The following CYP2E1 variants were observed in gnomAD, a reference collection of about 807,000 sequenced individuals.
CYP2E1 encodes the protein cytochrome P450 family 2 subfamily E member 1, also known as cytochrome P450 2E1.
CYP2E1 carries 31 observed loss-of-function variants against 42.9 expected under a neutral mutation model. That is an observed-to-expected ratio of 0.72 (90% confidence interval 0.54 to 0.98). CYP2E1 has a LOEUF of 0.98. Ranked by LOEUF, CYP2E1 falls within the 50% of genes least tolerant of loss-of-function variation. The pLI is 0.00. For synonymous variants in CYP2E1, 244 were observed against 248.9 expected, an observed-to-expected ratio of 0.98 and a Z score of 0.19; for missense variants, 565 against 633.2, an observed-to-expected ratio of 0.89 and a Z score of 1.16.
Position 133,531,392 on chromosome 10 carries a change from C to T in CYP2E1, c.338-193C>T, listed in dbSNP as rs41283307. ...CTGTGAGGACCCCAGAAAGGCTCCT[C>T]CCCAAAACCTGACCAGTGGCCGGTG... On this transcript the variant is annotated intron_variant, in intron 2 of 8. Transcript: ENST00000252945. 3.8e-3 allele frequency among the ~76,000 whole-genome samples: 577 copies of T among 152,092 alleles called. 2 individuals carry two copies. Among genetic ancestry groups the T allele is most frequent in the Non-Finnish European group, 6.7e-3 (456 of 67,996 alleles).
intron 3 of CYP2E1, 76 bp from the exon 4 acceptor site, chr10:133,532,048 C>G: frequency 7.2e-7 from 1 of 1,395,108 alleles, no homozygotes; most frequent in South Asian, 1.3e-5. Flanking sequence ...CCTTGGTGAA[C>G]CTCAGTGGGT....
At chr10:133,531,862 C>A in intron 3 of CYP2E1, 128 bp downstream of exon 3, 1 of 998,776 alleles carries the variant, frequency 1.0e-6, no homozygotes. Flanking sequence ...CTCGTGAGTC[C>A]CCAGATACTG....
At chr10:133,528,701 G>A (rs967624431) in intron 2 of CYP2E1, 61 bp downstream of exon 2, 1 of 1,589,150 alleles carries the variant, frequency 6.3e-7, no homozygotes, top group South Asian at 1.1e-5. Context: ...ACAGTTACGG[G>A]CGCTAGCCAC....
At chr10:133,529,294 C>A (rs141063994) in intron 2 of CYP2E1, among the ~76,000 whole-genome samples, 1 of 152,322 alleles carries the variant, frequency 6.6e-6, no homozygotes, top group East Asian at 1.9e-4. Context: ...GGAGGTCTGG[C>A]TCGTCTTTAT....
intron 2 of CYP2E1, among the ~76,000 whole-genome samples, chr10:133,531,265 T>A (rs1369793528): frequency 1.3e-5 from 2 of 152,118 alleles, no homozygotes; most frequent in Non-Finnish European, 2.9e-5. Context: ...TTATGTAGCA[T>A]GGGGAAGACT....
At position 133,528,553 on chromosome 10, in the gene CYP2E1, A is replaced by G; in HGVS notation, c.250A>G (p.Lys84Glu). 1 of 1,613,482 alleles carries G rather than the reference A, an allele frequency of 6.2e-7. No homozygotes were observed. The highest frequency in any genetic ancestry group is 8.5e-7 in the Non-Finnish European group (1 of 1,179,936). Residue 84 changes from lysine (K) to glutamate (E), a missense_variant, in exon 2 of 9, where the codon AAG (lysine) becomes GAG (glutamate). Coordinates refer to ENST00000252945, the MANE Select transcript of CYP2E1 (RefSeq NM_000773.4). ...SQRMVVMHGY[K>E]AVKEALLDYK... is the part of the protein sequence containing the mutation. ...GCGCATGGTGGTGATGCACGGCTACAAGGCGGTGAAGGAAGCGCTGCTGGA... is the reference window on the plus strand; with the variant it reads ...GCGCATGGTGGTGATGCACGGCTACGAGGCGGTGAAGGAAGCGCTGCTGGA...
At chr10:133,531,997 T>C in intron 3 of CYP2E1, 127 bp from the exon 4 acceptor site, 2 of 917,746 alleles carry the variant, frequency 2.2e-6, no homozygotes, top group South Asian at 1.6e-5. Context: ...ACATTCACTA[T>C]CTTTCGTAAA....
At chr10:133,529,775 G>A (rs902121770) in intron 2 of CYP2E1, among the ~76,000 whole-genome samples, 31 of 152,252 alleles carry the variant, frequency 2.0e-4, no homozygotes, top group African/African-American at 7.2e-4. Context: ...CGCCAGGACC[G>A]CGTCCAGAAC....
chr10:133,527,468 C>A lies in CYP2E1; in HGVS notation c.73C>A (p.Gln25Lys). The A allele has an allele frequency of 6.2e-7, 1 of 1,613,680 alleles. No homozygotes were observed. Among genetic ancestry groups the A allele is most frequent in the Non-Finnish European group, 8.5e-7 (1 of 1,179,946 alleles). The change falls in exon 1 of 9, where the codon CAG becomes AAG. Residue 25 changes from glutamine to lysine, a missense_variant. Coordinates refer to ENST00000252945, the MANE Select transcript of CYP2E1 (RefSeq NM_000773.4). ...AFLLLVSMWRQVHSSWNLPPG... is the reference protein window; with the variant it reads ...AFLLLVSMWRKVHSSWNLPPG... ...CCTCCTGCTGGTGTCCATGTGGAGG[C>A]AGGTGCACAGCAGCTGGAATCTGCC... is the stretch of plus-strand genomic sequence containing the variant.
intron 8 of CYP2E1, 122 bp downstream of exon 8, chr10:133,538,014 C>T: frequency 2.2e-6 from 2 of 930,092 alleles, no homozygotes; most frequent in Non-Finnish European, 3.2e-6. Context: ...ACTGTGTGCC[C>T]TGTTTCTATT....
chr10:133,534,640 G>A (rs1471669441), intron 6 of CYP2E1, among the ~76,000 whole-genome samples: 1 of 152,216 alleles, frequency 6.6e-6, no homozygotes, highest in Non-Finnish European at 1.5e-5. Context: ...TGGAAACAGG[G>A]CTGGGCAGCC....
At chr10:133,527,985 TG>T (rs1241788902) in intron 1 of CYP2E1, 1 of 224,052 alleles carries the variant, frequency 4.5e-6, no homozygotes. Context: ...GAACACTGAA[TG>T]GGCCAACAAA....
At chr10:133,533,924 T>G (rs750473789) in intron 6 of CYP2E1, 27 bp downstream of exon 6, 2 of 1,612,580 alleles carry the variant, frequency 1.2e-6, no homozygotes, top group East Asian at 2.2e-5. Context: ...AGGGACACCG[T>G]GCGTGCGGCT....
chr10:133,532,215 TGAG>T lies in CYP2E1; in HGVS notation c.580_582del (p.Glu194del). 2 of 1,613,478 alleles carry T rather than the reference TGAG, an allele frequency of 1.2e-6. No individual in the cohort carries two copies. Among genetic ancestry groups the T allele is most frequent in the South Asian group, 1.1e-5 (1 of 91,050 alleles). On this transcript the variant is annotated inframe_deletion, in exon 4 of 9. Coordinates refer to ENST00000252945, the MANE Select transcript of CYP2E1 (RefSeq NM_000773.4). ...TCCGCAAGCATTTTGACTACAATGA[TGAG>T]AAGTTTCTAAGGCTGATGTATTTGT...
chr10:133,531,458 C>G (rs1186487784), intron 2 of CYP2E1, 127 bp from the exon 3 acceptor site: 11 of 1,115,506 alleles, frequency 9.9e-6, no homozygotes, highest in Non-Finnish European at 1.5e-5. Flanking sequence ...GTCTCTCTGT[C>G]CCTCTGCCCC....
At chr10:133,534,037 T>C (rs780986420) in intron 6 of CYP2E1, 140 bp downstream of exon 6, 55 of 900,268 alleles carry the variant, frequency 6.1e-5, no homozygotes, top group Non-Finnish European at 8.8e-5. Context: ...CTAGATGCAC[T>C]GCTGTGAGGG....
At chr10:133,531,414 G>A (rs1851334280) in intron 2 of CYP2E1, among the ~76,000 whole-genome samples, 171 bp from the exon 3 acceptor site, 1 of 152,122 alleles carries the variant, frequency 6.6e-6, no homozygotes, top group Non-Finnish European at 1.5e-5. Flanking sequence ...ACCAGTGGCC[G>A]GTGCTGGCAG....
At chr10:133,528,723 C>T in intron 2 of CYP2E1, 83 bp downstream of exon 2, 1 of 1,501,846 alleles carries the variant, frequency 6.7e-7, no homozygotes, top group East Asian at 2.3e-5. Flanking sequence ...TCGGCGATGG[C>T]CAAATAATAA....
intron 5 of CYP2E1, 133 bp from the exon 6 acceptor site, chr10:133,533,623 C>T (rs1851364170): frequency 5.8e-6 from 6 of 1,042,712 alleles, no homozygotes; most frequent in Non-Finnish European, 7.0e-6. Flanking sequence ...TGTCACAGCT[C>T]CAAGTCACAG....
Sources: allele counts gnomAD v4.1 joint callset (sites outside exome capture counted in the v4.1 genomes callset), GRCh38; gene constraint gnomAD v4.1.1; transcripts MANE v1.5; gene names NCBI Gene and HGNC (gene_info 2026-07-23, HGNC 2026-07-21).